RAI1: variants seen among roughly 807,000 people sequenced by gnomAD.
The protein encoded by RAI1 is retinoic acid-induced protein 1.
Under a neutral mutation model 123.8 loss-of-function variants are expected in RAI1, and 9 were observed. The observed-to-expected ratio is 0.07, with a 90% CI of 0.04 to 0.13. RAI1 has a LOEUF of 0.13. RAI1 is among the 10% of genes least tolerant of loss of function. The pLI is 1.00. For missense variants in RAI1, 2,256 were observed against 2,545.8 expected (o/e 0.89, Z 2.45); for synonymous variants, 1,231 against 1,127.3 (o/e 1.09, Z -1.84).
At chr17:17,694,888 C>A (rs1451108370) in intron 1 of RAI1, among the ~76,000 whole-genome samples, 1 of 151,962 alleles carries the variant, frequency 6.6e-6, no homozygotes, top group African/African-American at 2.4e-5. Context: ...TCCGGGAACG[C>A]GGGGGCTTCC....
chr17:17,766,660 G>A (rs924890659), intron 2 of RAI1, among the ~76,000 whole-genome samples: 2 of 152,226 alleles, frequency 1.3e-5, no homozygotes, highest in African/African-American at 2.4e-5. Context: ...GGCCCAGGGC[G>A]GGGACCCCAG....
intron 2 of RAI1, among the ~76,000 whole-genome samples, chr17:17,741,286 G>A (rs1916627244): frequency 1.3e-5 from 2 of 152,194 alleles, no homozygotes; most frequent in South Asian, 2.1e-4. Context: ...AGAGAGATTA[G>A]TGGGAAGAAA....
intron 1 of RAI1, among the ~76,000 whole-genome samples, chr17:17,708,329 A>G (rs997552245): frequency 1.3e-5 from 2 of 152,038 alleles, no homozygotes; most frequent in Admixed American, 6.5e-5. Context: ...TTCTCCAACA[A>G]TACTTGTGCT....
rs999140810 is a variant in RAI1, at chr17:17,685,349, A to T, written c.-149+3556A>T. Among the ~76,000 whole-genome samples, 6 of 152,246 alleles carry T rather than the reference A, an allele frequency of 3.9e-5. No individual in the cohort carries two copies. Among genetic ancestry groups the T allele is most frequent in the African/African-American group, 1.4e-4 (6 of 41,460 alleles). On this transcript the variant is annotated intron_variant, in intron 1 of 5. Transcript: ENST00000353383. The surrounding 1 kb of genome is among the most constrained non-coding windows in gnomAD (Gnocchi z 4.0). ...AGCATCCCTGCACTTGACCACAAGA[A>T]GGTCACAGCCCAGTGGGTGATTGGG...
In RAI1 at chr17:17,801,626, G is replaced by A. The variant is rs985800101; in HGVS notation, c.5566-2130G>A. 6.6e-6 allele frequency among the ~76,000 whole-genome samples: 1 copy of A among 152,216 alleles called. No homozygotes were observed. Among genetic ancestry groups the A allele is most frequent in the Non-Finnish European group, 1.5e-5 (1 of 68,040 alleles). Reference sequence around the variant, plus strand: ...TCTCCAGGAGGCCATCCCAGACTAGGCGGGAAGGAGGCCTCAGCCCTGAGC... The same window carrying A: ...TCTCCAGGAGGCCATCCCAGACTAGACGGGAAGGAGGCCTCAGCCCTGAGC... On this transcript the variant is annotated intron_variant, in intron 3 of 5. Coordinates refer to ENST00000353383, the MANE Select transcript of RAI1 (RefSeq NM_030665.4). This position sits in a 1 kb window ranked among gnomAD's most constrained non-coding sequence, Gnocchi z 4.1.
chr17:17,788,506 G>A (rs2031906004), intron 2 of RAI1, among the ~76,000 whole-genome samples: 2 of 152,186 alleles, frequency 1.3e-5, no homozygotes, highest in Admixed American at 1.3e-4. Flanking sequence ...CTCCACCCCT[G>A]CCTGGACTCC....
intron 2 of RAI1, among the ~76,000 whole-genome samples, chr17:17,782,990 G>A (rs2031655403): frequency 6.6e-6 from 1 of 152,140 alleles, no homozygotes; most frequent in Non-Finnish European, 1.5e-5. Context: ...TTGGTCAAGT[G>A]GAGTGTGCAA....
intron 4 of RAI1, among the ~76,000 whole-genome samples, chr17:17,806,463 G>A (rs2032595122): frequency 6.6e-6 from 1 of 152,220 alleles, no homozygotes. Context: ...GGGAGAGGGA[G>A]GTGACAAGCC....
At chr17:17,783,432 A>C (rs2031687656) in intron 2 of RAI1, among the ~76,000 whole-genome samples, 1 of 150,580 alleles carries the variant, frequency 6.6e-6, no homozygotes, top group Non-Finnish European at 1.5e-5. Context: ...GGGGGAACAC[A>C]AATAGAAGGT....
chr17:17,688,216 G>C (rs1265990467), intron 1 of RAI1, among the ~76,000 whole-genome samples: 1 of 151,688 alleles, frequency 6.6e-6, no homozygotes, highest in Non-Finnish European at 1.5e-5. Context: ...AGGGCGCGGT[G>C]GCTTACGTCT....
Position 17,809,610 on chromosome 17 carries a change from G to C in RAI1, c.5709+171G>C, listed in dbSNP as rs1046050411. ...CCCCAGGAGCCCCCGCCGCCGTCCA[G>C]CTCAGGTCCCTGTCCACTTGCGCGC... On this transcript the variant is annotated intron_variant, in intron 5 of 5. Transcript: ENST00000353383. This position sits in a 1 kb window ranked among gnomAD's most constrained non-coding sequence, Gnocchi z 4.9. 6.6e-6 allele frequency among the ~76,000 whole-genome samples: 1 copy of C among 151,904 alleles called. No homozygotes were observed. Among genetic ancestry groups the C allele is most frequent in the Non-Finnish European group, 1.5e-5 (1 of 67,900 alleles).
At chr17:17,733,210 T>C (rs771046030) in intron 2 of RAI1, among the ~76,000 whole-genome samples, 5 of 152,186 alleles carry the variant, frequency 3.3e-5, no homozygotes, top group Non-Finnish European at 7.3e-5. Flanking sequence ...CCGAGGCAGA[T>C]TCTATCTTTG....
chr17:17,780,256 G>A (rs918874215), intron 2 of RAI1, among the ~76,000 whole-genome samples: 9 of 151,856 alleles, frequency 5.9e-5, no homozygotes, highest in African/African-American at 1.9e-4. Flanking sequence ...AGTAGAGACG[G>A]GGTTTCAACA....
rs2030823830 is a variant in RAI1, at chr17:17,764,262, AG to A, written c.-16-28670del. Among the ~76,000 whole-genome samples the A allele has an allele frequency of 2.0e-5, 3 of 152,308 alleles. No individual in the cohort carries two copies. In the South Asian group the frequency reaches 6.2e-4, roughly 32 times the overall value. Reference sequence around the variant, plus strand: ...TTTAACTTTTTATTGACTTGCATACAGAGAAGAGCACGAATCATAGGTGGAC... The same window carrying A: ...TTTAACTTTTTATTGACTTGCATACAAGAAGAGCACGAATCATAGGTGGAC... On this transcript the variant is annotated intron_variant, in intron 2 of 5. Transcript: ENST00000353383.
At chr17:17,764,038 G>A (rs1469869453) in intron 2 of RAI1, among the ~76,000 whole-genome samples, 2 of 152,238 alleles carry the variant, frequency 1.3e-5, no homozygotes, top group Admixed American at 6.5e-5. Flanking sequence ...TGCAAAGTGG[G>A]CCACATGGCC....
intron 2 of RAI1, among the ~76,000 whole-genome samples, chr17:17,735,873 T>A (rs1916417715): frequency 6.6e-6 from 1 of 152,150 alleles, no homozygotes; most frequent in Non-Finnish European, 1.5e-5. Flanking sequence ...CCCAGCCTGG[T>A]TGGAGGGACT....
intron 2 of RAI1, among the ~76,000 whole-genome samples, chr17:17,780,504 G>A (rs2031533822): frequency 6.6e-6 from 1 of 152,308 alleles, no homozygotes; most frequent in South Asian, 2.1e-4. Flanking sequence ...CCCCGATTGA[G>A]GTCCCACCCC....
At chr17:17,757,777 T>TA (rs1265187346) in intron 2 of RAI1, among the ~76,000 whole-genome samples, 1 of 152,128 alleles carries the variant, frequency 6.6e-6, no homozygotes, top group Non-Finnish European at 1.5e-5. Context: ...CTGCTCACGC[T>TA]AAAAGGAGAA....
chr17:17,748,497 A>G (rs541332868), intron 2 of RAI1, among the ~76,000 whole-genome samples: 4 of 152,354 alleles, frequency 2.6e-5, no homozygotes, highest in African/African-American at 9.6e-5. Flanking sequence ...TTTCACATAC[A>G]TCGTCATGTT....
Sources: allele counts gnomAD v4.1 joint callset (sites outside exome capture counted in the v4.1 genomes callset), GRCh38; gene constraint gnomAD v4.1.1; non-coding constraint Gnocchi (gnomAD v3.1); transcripts MANE v1.5; gene names NCBI Gene and HGNC (gene_info 2026-07-23, HGNC 2026-07-21).